The following IGF1R variants were observed in gnomAD, a reference collection of about 807,000 sequenced individuals.
The protein encoded by IGF1R is insulin-like growth factor 1 receptor.
Under a neutral mutation model 144.6 loss-of-function variants are expected in IGF1R, and 44 were observed. The observed-to-expected ratio is 0.30, with a 90% CI of 0.24 to 0.39. The LOEUF is 0.39. IGF1R is among the 10% of genes least tolerant of loss of function. IGF1R has a pLI of 1.00. For missense variants in IGF1R, 1,355 were observed against 1,833.7 expected (o/e 0.74, Z 4.77); for synonymous variants, 795 against 722.8 (o/e 1.10, Z -1.60).
intron 1 of IGF1R, among the ~76,000 whole-genome samples, chr15:98,701,178 T>C (rs964652211): frequency 6.6e-6 from 1 of 152,208 alleles, no homozygotes; most frequent in African/African-American, 2.4e-5. Flanking sequence ...GGTTTTGTTA[T>C]GTTGGATTTT....
At chr15:98,667,992 A>G (rs1407780905) in intron 1 of IGF1R, among the ~76,000 whole-genome samples, 1 of 152,088 alleles carries the variant, frequency 6.6e-6, no homozygotes, top group Non-Finnish European at 1.5e-5. Context: ...ACAGGTTACT[A>G]TAGACTGAGG....
chr15:98,956,962 T>A, intron 20 of IGF1R, 99 bp from the exon 21 acceptor site: 1 of 1,339,026 alleles, frequency 7.5e-7, no homozygotes, highest in South Asian at 1.2e-5. Context: ...GCTCCCGCCG[T>A]ACGCTTGTAT....
At chr15:98,758,584 C>T (rs887330915) in intron 2 of IGF1R, among the ~76,000 whole-genome samples, 1 of 152,196 alleles carries the variant, frequency 6.6e-6, no homozygotes, top group Non-Finnish European at 1.5e-5. Flanking sequence ...CCATGGAAGC[C>T]CCCCTTCCCT....
At chr15:98,734,001 G>A (rs1015635097) in intron 2 of IGF1R, among the ~76,000 whole-genome samples, 5 of 152,124 alleles carry the variant, frequency 3.3e-5, no homozygotes, top group Admixed American at 2.0e-4. Flanking sequence ...TTAGTGTTCC[G>A]AGCCATAGGT....
intron 10 of IGF1R, among the ~76,000 whole-genome samples, chr15:98,920,628 G>T (rs1318248415): frequency 6.6e-6 from 1 of 152,194 alleles, no homozygotes; most frequent in Non-Finnish European, 1.5e-5. Flanking sequence ...CTAGTTGGTT[G>T]GTTTGCAGAG....
At chr15:98,950,561 G>A (rs576560090) in intron 20 of IGF1R, among the ~76,000 whole-genome samples, 46 of 152,350 alleles carry the variant, frequency 3.0e-4, no homozygotes, top group Middle Eastern at 3.4e-3. Context: ...GCCACTCACA[G>A]TCCTTGCCAT....
chr15:98,920,329 A>G (rs897585496), intron 10 of IGF1R, among the ~76,000 whole-genome samples: 3 of 152,212 alleles, frequency 2.0e-5, no homozygotes, highest in Admixed American at 2.0e-4. Context: ...TGATGTCATC[A>G]GCATTGAGAG....
chr15:98,768,173 G>C (rs1025653878), intron 2 of IGF1R, among the ~76,000 whole-genome samples: 2 of 152,086 alleles, frequency 1.3e-5, no homozygotes, highest in African/African-American at 2.4e-5. Context: ...TCAGGACCTT[G>C]GATGAGCTTG....
At chr15:98,762,236 TTC>T (rs369933002) in intron 2 of IGF1R, among the ~76,000 whole-genome samples, 1,254 of 100,068 alleles carry the variant, frequency 0.013, 15 homozygotes, top group East Asian at 0.036. Context: ...TTCTTTTCTT[TTC>T]TTTTTTTTTT....
rs1596469259 is a variant in IGF1R at position 98,935,496 on chromosome 15, A to C, written c.3297+70A>C. The C allele has an allele frequency of 3.4e-6, 3 of 881,332 alleles. No individual in the cohort carries two copies. Among genetic ancestry groups the C allele is most frequent in the East Asian group, 2.6e-5 (1 of 37,956 alleles). The allele number at this position is 881,332 out of a possible 1,614,324, so 54.6% of individuals were successfully genotyped here. On this transcript the variant is annotated intron_variant, in intron 17 of 20. Transcript: ENST00000650285. This position sits in a 1 kb window ranked among gnomAD's most constrained non-coding sequence, Gnocchi z 4.2. ...CTCTTTTCCTTTATAATCTCCCTGC[A>C]AGGAAATGCTGTGTCTTTAAATCAG... is the stretch of plus-strand genomic sequence containing the variant.
intron 2 of IGF1R, among the ~76,000 whole-genome samples, chr15:98,885,926 C>T (rs1265943675): frequency 1.3e-5 from 2 of 151,680 alleles, no homozygotes; most frequent in African/African-American, 4.8e-5. Flanking sequence ...AAACGATTCT[C>T]CTGCCTCAGC....
At chr15:98,912,636 G>A (rs921764106) in intron 7 of IGF1R, among the ~76,000 whole-genome samples, 2 of 152,212 alleles carry the variant, frequency 1.3e-5, no homozygotes, top group African/African-American at 4.8e-5. Flanking sequence ...AATTTTAGAA[G>A]CTACTTCTGT....
intron 8 of IGF1R, among the ~76,000 whole-genome samples, chr15:98,914,257 C>T (rs1304312861): frequency 1.3e-5 from 2 of 151,802 alleles, no homozygotes; most frequent in African/African-American, 4.9e-5. Flanking sequence ...AGGATTTTGA[C>T]ATGTGAGTTT....
chr15:98,914,466 C>T (rs1249507016), intron 8 of IGF1R, among the ~76,000 whole-genome samples: 1 of 152,170 alleles, frequency 6.6e-6, no homozygotes, highest in Non-Finnish European at 1.5e-5. Context: ...CCACTCCTAC[C>T]CCATCTCCAT....
At chr15:98,776,454 G>A (rs1202444799) in intron 2 of IGF1R, among the ~76,000 whole-genome samples, 3 of 152,126 alleles carry the variant, frequency 2.0e-5, no homozygotes, top group Non-Finnish European at 2.9e-5. Context: ...CCAAAGTGCT[G>A]GGATTACAGG....
At chr15:98,908,394 G>A (rs1217896701) in intron 5 of IGF1R, among the ~76,000 whole-genome samples, 2 of 152,180 alleles carry the variant, frequency 1.3e-5, no homozygotes, top group African/African-American at 2.4e-5. Context: ...GGCATTTCTT[G>A]GGAATGATTC....
intron 10 of IGF1R, among the ~76,000 whole-genome samples, chr15:98,918,176 C>T (rs1454472253): frequency 6.6e-5 from 10 of 152,148 alleles, no homozygotes; most frequent in Admixed American, 5.9e-4. Context: ...TGGAAACGAC[C>T]TCATGCCTGA....
rs150891960 is a variant in IGF1R, at chr15:98,941,376, A to G, written c.3458-1547A>G. 1.8e-3 allele frequency among the ~76,000 whole-genome samples: 279 copies of G among 152,260 alleles called. 1 individual carries two copies. The highest frequency in any genetic ancestry group is 6.3e-3 in the African/African-American group (263 of 41,532). The stretch of plus-strand genomic sequence containing the variant: ...CCTGGGAGAGGTGTTTTTTGTGCCA[A>G]TTGCCATTTTAAATCCAAATCAGCA... On this transcript the variant is annotated intron_variant, in intron 18 of 20. Transcript: ENST00000650285.
At chr15:98,755,059 A>G (rs1050289717) in intron 2 of IGF1R, among the ~76,000 whole-genome samples, 4 of 152,222 alleles carry the variant, frequency 2.6e-5, no homozygotes, top group African/African-American at 9.6e-5. Context: ...TGCTAGTGTA[A>G]AATAAAAGAT....
Sources: allele counts gnomAD v4.1 joint callset (sites outside exome capture counted in the v4.1 genomes callset), GRCh38; gene constraint gnomAD v4.1.1; non-coding constraint Gnocchi (gnomAD v3.1); transcripts MANE v1.5; gene names NCBI Gene and HGNC (gene_info 2026-07-23, HGNC 2026-07-21).